TUBGCP2: variants seen among roughly 807,000 people sequenced by gnomAD.
TUBGCP2 encodes gamma-tubulin complex component 2.
In TUBGCP2, 55 loss-of-function variants were observed where a neutral mutation model predicts 92.2. The ratio of observed to expected loss-of-function variants is 0.60; its 90% CI spans 0.48 to 0.75. The LOEUF (loss-of-function observed/expected upper bound fraction) is 0.75, where lower values mean the gene tolerates loss of function less well. Ranked by LOEUF, TUBGCP2 falls within the 30% of genes least tolerant of loss-of-function variation. The pLI is 0.00. For missense variants in TUBGCP2, 1,093 were observed against 1,188.9 expected, an observed-to-expected ratio of 0.92 and a Z score of 1.19; for synonymous variants, 533 against 505.2, an observed-to-expected ratio of 1.06 and a Z score of -0.74.
At position 133,298,033 on chromosome 10, in the gene TUBGCP2, C is replaced by T; in HGVS notation, c.535G>A (p.Ala179Thr). 6.2e-7 allele frequency: 1 copy of T among 1,614,160 alleles called. No individual in the cohort carries two copies. Among genetic ancestry groups the T allele is most frequent in the South Asian group, 1.1e-5 (1 of 91,072 alleles). ...AGGGCAGGTCTCTCATACACCCATG[C>T]TGGGAAGATGGGGAGGTGCTGGCCT... is the stretch of plus-strand genomic sequence containing the variant. ...NSGQHLPIFP[A>T]WVYERPALIG... The change falls in exon 5 of 18, where the codon GCA (alanine) becomes ACA (threonine). Residue 179 changes from alanine to threonine, a missense_variant. Physicochemically the swap from Ala to Thr is moderately conservative, Grantham distance 58. Coordinates refer to ENST00000252936, the MANE Select transcript of TUBGCP2 (RefSeq NM_006659.4).
rs1458448619 is a variant in TUBGCP2 at position 133,293,747 on chromosome 10, C to G, written c.639G>C (p.Gln213His). The G allele has an allele frequency of 1.3e-6, 2 of 1,595,434 alleles. No homozygotes were observed. Among genetic ancestry groups the G allele is most frequent in the Non-Finnish European group, 1.7e-6 (2 of 1,172,132 alleles). Residue 213 changes from glutamine (Q) to histidine (H), a missense_variant, in exon 6 of 18, where the codon CAG (glutamine) becomes CAC (histidine). Gln to His is a conservative substitution (Grantham distance 24, BLOSUM62 0). This residue lies in a region of TUBGCP2 where 490 missense variants were observed against 488.5 expected (regional missense o/e 1.00). Transcript: ENST00000252936. The stretch of plus-strand genomic sequence containing the variant: ...GCAGGTCCTCCACCACGGCCGACTC[C>G]TGCGAGGCCAGGGGCAACGTGCCTG... ...LPIGTLPLASQESAVVEDLLY... is the reference protein window; with the variant it reads ...LPIGTLPLASHESAVVEDLLY...
At chr10:133,310,764 T>G (rs535784681), upstream of TUBGCP2, among the ~76,000 whole-genome samples, 1 of 152,296 alleles carries the variant, frequency 6.6e-6, no homozygotes, top group East Asian at 1.9e-4. Flanking sequence ...ATTAACATGT[T>G]CCTGCCTAGA....
intron 4 of TUBGCP2, among the ~76,000 whole-genome samples, chr10:133,299,130 G>T (rs541056315): frequency 3.0e-4 from 46 of 152,256 alleles, no homozygotes; most frequent in African/African-American, 1.1e-3. Context: ...TCAGGATTGG[G>T]TAGGCTCAGA....
At chr10:133,283,837 G>A (rs1327534931) in intron 14 of TUBGCP2, 45 bp downstream of exon 14, 12 of 1,605,726 alleles carry the variant, frequency 7.5e-6, no homozygotes, top group Admixed American at 1.7e-5. Context: ...CCCTGTGAAA[G>A]GAAAGTGGCT....
chr10:133,279,983 C>T (rs758010866), intron 17 of TUBGCP2, 82 bp from the exon 18 acceptor site: 88 of 1,528,782 alleles, frequency 5.8e-5, no homozygotes, highest in Non-Finnish European at 7.6e-5. Flanking sequence ...AAGGACGGTG[C>T]AGCTAGGGTG....
rs1846891643 is a variant in TUBGCP2, at chr10:133,278,933, T to G, written c.*833A>C. 1.3e-5 allele frequency: 2 copies of G among 152,376 alleles called. No individual in the cohort carries two copies. Among genetic ancestry groups the G allele is most frequent in the African/African-American group, 4.8e-5 (2 of 41,468 alleles). 9.4% of individuals were successfully genotyped at this position (152,376 alleles called of 1,614,324 possible). A position where few individuals can be genotyped will look rare whatever the true frequency, so the allele number is the denominator to read the frequency against. ...GCAGGAAGGGGCAGCTTGGCCAGAA[T>G]GTAACCAGAGCAGACCAACCTGGCC... On this transcript the variant is annotated 3_prime_UTR_variant, in exon 18 of 18. Transcript: ENST00000252936.
Position 133,283,923 on chromosome 10 carries a change from T to C in TUBGCP2, c.2104A>G (p.Met702Val). 1.2e-6 allele frequency: 2 copies of C among 1,614,190 alleles called. No individual in the cohort carries two copies. The highest frequency in any genetic ancestry group is 8.5e-7 in the Non-Finnish European group (1 of 1,180,010). Residue 702 changes from methionine (M) to valine (V), a missense_variant, in exon 14 of 18, where the codon ATG becomes GTG. Coordinates refer to ENST00000252936, the MANE Select transcript of TUBGCP2 (RefSeq NM_006659.4). ...TCCAGGATGTGCCAGGTCGGTTCCA[T>C]CACTTCAAACATCATGTAGTATTGA... ...NIQYYMMFEV[M>V]EPTWHILEKN...
At chr10:133,308,974 C>T (rs1326244485), upstream of TUBGCP2, 6 of 1,243,584 alleles carry the variant, frequency 4.8e-6, no homozygotes, top group African/African-American at 4.7e-5. Context: ...GTGCGCCCGC[C>T]TCGCTGCGGG....
chr10:133,299,935 C>G (rs535987318), intron 3 of TUBGCP2, 50 bp downstream of exon 3: 1 of 1,598,436 alleles, frequency 6.3e-7, no homozygotes, highest in African/African-American at 1.3e-5. Flanking sequence ...CGACCCCACT[C>G]CCAACATGGG....
In TUBGCP2 at chr10:133,282,182, G is replaced by A. The variant is rs778578984; in HGVS notation, c.2409+41C>T. ...GATGCCCAGGCTGCCGCCCAGCCGG[G>A]AGGAAGCGTCTCTCTCTGGCCAAAC... On this transcript the variant is annotated intron_variant, in intron 16 of 17. Coordinates refer to ENST00000252936, the MANE Select transcript of TUBGCP2 (RefSeq NM_006659.4). 13 of 1,610,000 alleles carry A rather than the reference G, an allele frequency of 8.1e-6. No homozygotes were observed. The South Asian group carries it at 1.0e-4, about 12-fold the overall frequency.
intron 14 of TUBGCP2, 95 bp from the exon 15 acceptor site, chr10:133,283,316 G>A: frequency 6.5e-7 from 1 of 1,548,234 alleles, no homozygotes; most frequent in Non-Finnish European, 8.8e-7. Context: ...GTGCATTCCT[G>A]TTTACGCACT....
upstream of TUBGCP2, chr10:133,312,263 T>G (rs1362322247): frequency 3.0e-6 from 4 of 1,324,348 alleles, no homozygotes; most frequent in African/African-American, 3.0e-5. Flanking sequence ...CCGTCTGCCT[T>G]TCTAGCATGA....
In TUBGCP2 at chr10:133,308,828, T is replaced by C; in HGVS notation, c.-45A>G. ...CGCGTTCGGCCAGGACTCACCGCAG[T>C]CCCGGAGCCACAGCCCCCGCGCAGC... is the stretch of plus-strand genomic sequence containing the variant. On this transcript the variant is annotated 5_prime_UTR_variant, in exon 1 of 18. Transcript: ENST00000252936. 1.1e-6 allele frequency: 1 copy of C among 904,776 alleles called. No homozygotes were observed. The highest frequency in any genetic ancestry group is 1.4e-6 in the Non-Finnish European group (1 of 702,590). The allele number at this position is 904,776 out of a possible 1,614,324, so 56.0% of individuals were successfully genotyped here.
chr10:133,310,119 G>C (rs1291297290), upstream of TUBGCP2: 1 of 1,612,446 alleles, frequency 6.2e-7, no homozygotes, highest in South Asian at 1.1e-5. Flanking sequence ...ATGGCGGTGG[G>C]GGAGGGCCAG....
In TUBGCP2 at chr10:133,279,809, C is replaced by T; in HGVS notation, c.2666G>A (p.Gly889Glu). ...KATPQVPVLR[G>E]PPAPAPRVAV... ...GACCCTGGGTGCAGGAGCCGGGGGC[C>T]CCCGCAGGACAGGCACTTGGGGGGT... Residue 889 changes from glycine (G) to glutamate (E), a missense_variant, in exon 18 of 18, where the codon GGG (glycine) becomes GAG (glutamate). Around this residue, in one of 3 missense-constraint regions of TUBGCP2, gnomAD observed 598 missense variants for 675.5 expected, o/e 0.89. Transcript: ENST00000252936. 6.3e-7 allele frequency: 1 copy of T among 1,579,192 alleles called. No homozygotes were observed. Among genetic ancestry groups the T allele is most frequent in the African/African-American group, 1.4e-5 (1 of 74,054 alleles).
upstream of TUBGCP2, chr10:133,311,879 A>C (rs200780550): frequency 1.3e-5 from 21 of 1,613,224 alleles, no homozygotes; most frequent in Non-Finnish European, 1.6e-5. Flanking sequence ...CGTTCTCAAC[A>C]TGTGTTCGGT....
At chr10:133,282,474 C>T in intron 15 of TUBGCP2, 132 bp from the exon 16 acceptor site, 2 of 1,265,636 alleles carry the variant, frequency 1.6e-6, no homozygotes, top group Non-Finnish European at 1.1e-6. Flanking sequence ...ACACAAGCAT[C>T]TCTGAGGCTG....
At chr10:133,282,971 C>T (rs980585891) in intron 15 of TUBGCP2, 107 bp downstream of exon 15, 17 of 1,465,382 alleles carry the variant, frequency 1.2e-5, no homozygotes, top group Middle Eastern at 3.8e-4. Flanking sequence ...GGCTCCTCCA[C>T]GAACACAAGG....
chr10:133,305,616 C>T (rs1057157292), intron 1 of TUBGCP2, among the ~76,000 whole-genome samples: 2 of 152,272 alleles, frequency 1.3e-5, no homozygotes, highest in Admixed American at 6.5e-5. Context: ...ACAGAAGACT[C>T]AGCACATACT....
Sources: gnomAD v4.1 joint callset for allele counts (sites outside exome capture counted in the v4.1 genomes callset) on GRCh38, gnomAD v4.1.1 for gene constraint, gnomAD v4.1.1 regional missense constraint, MANE v1.5 for transcripts, NCBI Gene and HGNC (gene_info 2026-07-23, HGNC 2026-07-21) for gene names.